The following ZNF527 variants were observed in gnomAD, a reference collection of about 807,000 sequenced individuals.
The protein encoded by ZNF527 is zinc finger protein 527.
ZNF527 carries 5 observed loss-of-function variants against 13.5 expected under a neutral mutation model. The ratio of observed to expected loss-of-function variants is 0.37; its 90% confidence interval spans 0.19 to 0.78. The LOEUF is 0.78. Among genes scored for constraint, ZNF527 ranks in the 30% least tolerant of loss-of-function variants. The pLI, the probability that ZNF527 is intolerant of heterozygous loss-of-function variation, is 0.48. For synonymous variants in ZNF527, 209 were observed against 243.1 expected (o/e 0.86, Z 1.30); for missense variants, 628 against 726.4 (o/e 0.86, Z 1.56).
At chr19:37,375,315 C>CTTTCTTTCTTTCT (rs2040596571) in intron 2 of ZNF527, among the ~76,000 whole-genome samples, 1 of 78,610 alleles carries the variant, frequency 1.3e-5, no homozygotes, top group Non-Finnish European at 2.7e-5. Context: ...TCTTTCTTTT[C>CTTTCTTTCTTTCT]TTTCTTTCTT....
At position 37,385,147 on chromosome 19, in the gene ZNF527, T is replaced by C. The variant is rs1226726172; in HGVS notation, c.257-3159T>C. The C allele has an allele frequency of 2.4e-5, 11 of 464,288 alleles. No individual in the cohort carries two copies. The East Asian group carries it at 3.4e-4, about 14-fold the overall frequency. 28.8% of individuals were successfully genotyped at this position (464,288 alleles called of 1,614,324 possible). A position where few individuals can be genotyped will look rare whatever the true frequency, so the allele number is the denominator to read the frequency against. ...AGAATTAGATTATTTTTCTTTTTCT[T>C]ACTGATTTGTAGTAGAACTAAATTC... On this transcript the variant is annotated intron_variant, in intron 4 of 4. Coordinates refer to ENST00000436120, the MANE Select transcript of ZNF527 (RefSeq NM_032453.2).
intron 4 of ZNF527, among the ~76,000 whole-genome samples, chr19:37,386,140 CTTTT>C (rs1050024983): frequency 4.1e-5 from 3 of 72,456 alleles, no homozygotes; most frequent in African/African-American, 2.0e-4. Context: ...TCTTCTTTTC[CTTTT>C]TTTTTTTTTT....
chr19:37,388,232 C>T, intron 4 of ZNF527, 74 bp from the exon 5 acceptor site: 3 of 1,529,074 alleles, frequency 2.0e-6, no homozygotes, highest in Non-Finnish European at 2.6e-6. Flanking sequence ...TAAATTCTTC[C>T]ATTTCTTCTC....
Position 37,374,156 on chromosome 19 carries a change from A to C in ZNF527, c.-41-2A>C. On this transcript the variant is annotated splice_acceptor_variant, in intron 1 of 4. Transcript: ENST00000436120. LOFTEE classifies it low-confidence loss of function (5UTR_SPLICE). ...ATTTCTTCATTAACTCTCCCTTCTC[A>C]GGACTTTGTTCTTCTTCAGAAGAGA... 6.2e-7 allele frequency: 1 copy of C among 1,601,786 alleles called. No individual in the cohort carries two copies. The highest frequency in any genetic ancestry group is 1.3e-5 in the African/African-American group (1 of 74,808).
At position 37,391,762 on chromosome 19, in the gene ZNF527, TTA is replaced by T. The variant is rs1490815184; in HGVS notation, c.*1885_*1886del. ...ATTTTTAGAGACTAAATCATTTCCA[TTA>T]TTGGGAGTAATGAGGAAGATGAAGG... On this transcript the variant is annotated 3_prime_UTR_variant, in exon 5 of 5. Transcript: ENST00000436120. 2 of 152,106 alleles carry T rather than the reference TTA, an allele frequency of 1.3e-5. No individual in the cohort carries two copies. The highest frequency in any genetic ancestry group is 2.9e-5 in the Non-Finnish European group (2 of 68,014). 9.4% of individuals were successfully genotyped at this position (152,106 alleles called of 1,614,324 possible). A position where few individuals can be genotyped will look rare whatever the true frequency, so the allele number is the denominator to read the frequency against.
In ZNF527 at chr19:37,388,871, T is replaced by C. The variant is rs758971452; in HGVS notation, c.822T>C (p.His274=). The change falls in exon 5 of 5, where the codon CAT becomes CAC. Residue 274 remains histidine (H), a synonymous_variant. Coordinates refer to ENST00000436120, the MANE Select transcript of ZNF527 (RefSeq NM_032453.2). The part of the protein sequence containing the change: ...HQTTHFGKLP[H]GYDECGDAFS... ...CCACTCATTTTGGAAAATTACCCCATGGATACGATGAATGTGGTGATGCCT... is the reference window on the plus strand; with the variant it reads ...CCACTCATTTTGGAAAATTACCCCACGGATACGATGAATGTGGTGATGCCT... 5.6e-6 allele frequency: 9 copies of C among 1,614,208 alleles called. No homozygotes were observed. The South Asian group carries it at 6.6e-5, about 12-fold the overall frequency.
intron 2 of ZNF527, among the ~76,000 whole-genome samples, chr19:37,376,436 G>A (rs1158554140): frequency 1.3e-5 from 2 of 152,134 alleles, no homozygotes; most frequent in Non-Finnish European, 2.9e-5. Flanking sequence ...CACTTTGGGA[G>A]GCTAAGGCAG....
chr19:37,377,828 C>G (rs1483439642), intron 2 of ZNF527, among the ~76,000 whole-genome samples: 2 of 152,064 alleles, frequency 1.3e-5, no homozygotes, highest in Admixed American at 6.5e-5. Flanking sequence ...ACCTTCCTTT[C>G]ATCTCTTGCT....
Position 37,392,970 on chromosome 19 carries a change from TTTGA to T in ZNF527, c.*3095_*3098del, listed in dbSNP as rs2040766349. The T allele has an allele frequency of 6.6e-6, 1 of 152,192 alleles. No individual in the cohort carries two copies. The highest frequency in any genetic ancestry group is 2.4e-5 in the African/African-American group (1 of 41,458). 9.4% of individuals were successfully genotyped at this position (152,192 alleles called of 1,614,324 possible). A position where few individuals can be genotyped will look rare whatever the true frequency, so the allele number is the denominator to read the frequency against. The stretch of plus-strand genomic sequence containing the variant: ...AGTGAAAATTTATGCTTTATTAATA[TTTGA>T]TTGTTATTAGGACCATCTAGAGATT... On this transcript the variant is annotated 3_prime_UTR_variant, in exon 5 of 5. Coordinates refer to ENST00000436120, the MANE Select transcript of ZNF527 (RefSeq NM_032453.2).
At chr19:37,372,844 G>T (rs1363053515) in intron 1 of ZNF527, among the ~76,000 whole-genome samples, 2 of 152,118 alleles carry the variant, frequency 1.3e-5, no homozygotes, top group Non-Finnish European at 2.9e-5. Context: ...TGCCCAGTTT[G>T]TTGTTGCTTT....
chr19:37,390,033 A>AT lies in ZNF527; in HGVS notation c.*154_*155insT. ...AGTAGCTCAGTAGTAGACATCTGTT[A>AT]CTTTTTTTTTTTTCAGACAGAGTCT... On this transcript the variant is annotated 3_prime_UTR_variant, in exon 5 of 5. Transcript: ENST00000436120. 2 of 912,210 alleles carry AT rather than the reference A, an allele frequency of 2.2e-6. No individual in the cohort carries two copies. The highest frequency in any genetic ancestry group is 6.0e-5 in the East Asian group (2 of 33,420). 56.5% of individuals were successfully genotyped at this position (912,210 alleles called of 1,614,324 possible). A position where few individuals can be genotyped will look rare whatever the true frequency, so the allele number is the denominator to read the frequency against.
At position 37,392,147 on chromosome 19, in the gene ZNF527, A is replaced by G. The variant is rs1443186317; in HGVS notation, c.*2268A>G. The G allele has an allele frequency of 3.3e-5, 5 of 152,226 alleles. No homozygotes were observed. Among genetic ancestry groups the G allele is most frequent in the Non-Finnish European group, 7.3e-5 (5 of 68,034 alleles). The allele number at this position is 152,226 out of a possible 1,614,324, so 9.4% of individuals were successfully genotyped here. On this transcript the variant is annotated 3_prime_UTR_variant, in exon 5 of 5. Transcript: ENST00000436120. ...ACAAATATGATTATAAAATATTTCC[A>G]AACTTATGTTACATCTAATCTGAAA...
intron 2 of ZNF527, among the ~76,000 whole-genome samples, chr19:37,376,682 C>CAAAAA (rs35179002): frequency 2.1e-5 from 1 of 48,542 alleles, no homozygotes; most frequent in Non-Finnish European, 3.9e-5. Context: ...ACTCCATCTC[C>CAAAAA]AAAAAAAAAA....
intron 4 of ZNF527, among the ~76,000 whole-genome samples, chr19:37,383,893 G>C (rs765955570): frequency 2.0e-5 from 3 of 152,004 alleles, no homozygotes; most frequent in Non-Finnish European, 4.4e-5. Context: ...ATACAGATTT[G>C]AGTTTTACTA....
At position 37,388,329 on chromosome 19, in the gene ZNF527, G is replaced by A; in HGVS notation, c.280G>A (p.Glu94Lys). The change falls in exon 5 of 5, where the codon GAG (glutamate) becomes AAG (lysine). Residue 94 changes from glutamate to lysine, a missense_variant. By Grantham distance (56) the Glu-to-Lys change is moderately conservative. Around this residue, in one of 3 missense-constraint regions of ZNF527, gnomAD observed 592 missense variants for 678.0 expected, o/e 0.87. Transcript: ENST00000436120. ...AGACTGGGAGTCTTGGTGTGAAATT[G>A]AGGAATTATCTCCAAAATGGTTCAT... is the stretch of plus-strand genomic sequence containing the variant. ...CADWESWCEI[E>K]ELSPKWFIDE... The A allele has an allele frequency of 6.2e-7, 1 of 1,613,316 alleles. No individual in the cohort carries two copies. The highest frequency in any genetic ancestry group is 8.5e-7 in the Non-Finnish European group (1 of 1,179,468).
chr19:37,378,500 A>C (rs1265655859), intron 2 of ZNF527, among the ~76,000 whole-genome samples: 5 of 152,226 alleles, frequency 3.3e-5, no homozygotes, highest in African/African-American at 1.2e-4. Context: ...TCAGTTTTGT[A>C]ATAGATACTG....
intron 4 of ZNF527, among the ~76,000 whole-genome samples, chr19:37,386,422 G>A (rs1027744085): frequency 6.6e-5 from 10 of 152,058 alleles, no homozygotes; most frequent in Non-Finnish European, 1.0e-4. Context: ...GATTACAGGC[G>A]GGAACCCCCA....
intron 1 of ZNF527, 94 bp from the exon 2 acceptor site, chr19:37,374,064 G>A (rs2040580249): frequency 2.5e-6 from 2 of 812,692 alleles, no homozygotes; most frequent in South Asian, 1.4e-5. Flanking sequence ...GGCCCATGTA[G>A]GGAGAAGAAA....
At chr19:37,373,414 A>T (rs187539827) in intron 1 of ZNF527, among the ~76,000 whole-genome samples, 2 of 152,392 alleles carry the variant, frequency 1.3e-5, no homozygotes, top group Admixed American at 1.3e-4. Context: ...TTTATATTAC[A>T]TAAGGCACAG....
Sources: gnomAD v4.1 joint callset for allele counts (sites outside exome capture counted in the v4.1 genomes callset) on GRCh38, gnomAD v4.1.1 for gene constraint, gnomAD v4.1.1 regional missense constraint, MANE v1.5 for transcripts, NCBI Gene and HGNC (gene_info 2026-07-23, HGNC 2026-07-21) for gene names.